SYT16: variants seen among roughly 807,000 people sequenced by gnomAD.
The protein encoded by SYT16 is synaptotagmin 16, also known as synaptotagmin-16.
In SYT16, 42 loss-of-function variants were observed where a neutral mutation model predicts 61.4. The observed-to-expected ratio is 0.68, with a 90% confidence interval of 0.53 to 0.89. SYT16 has a LOEUF of 0.89. Ranked by LOEUF, SYT16 falls within the 40% of genes least tolerant of loss-of-function variation. SYT16 has a pLI of 0.00. For missense variants in SYT16, 804 were observed against 807.3 expected (o/e 1.00, Z 0.05); for synonymous variants, 314 against 302.3 (o/e 1.04, Z -0.40).
intron 1 of SYT16, among the ~76,000 whole-genome samples, chr14:61,957,614 T>C (rs2050931885): frequency 6.7e-6 from 1 of 149,836 alleles, no homozygotes; most frequent in African/African-American, 2.5e-5. Context: ...ATGGATTGAT[T>C]TGTGTATGTG....
rs919881791 is a variant in SYT16 at position 62,107,219 on chromosome 14, C to A, written c.*6512C>A. The A allele has an allele frequency of 6.6e-6, 1 of 151,854 alleles. No individual in the cohort carries two copies. The highest frequency in any genetic ancestry group is 1.9e-4 in the East Asian group (1 of 5,174). The allele number at this position is 151,854 out of a possible 1,614,324, so 9.4% of individuals were successfully genotyped here. On this transcript the variant is annotated 3_prime_UTR_variant, in exon 8 of 8. Transcript: ENST00000683842. ...GAGGCCGAGGTGGGAGAACAGCTTG[C>A]GTCCAGGATTTCTAGTCCAGCCTGG...
At chr14:62,035,056 A>G (rs2054455623) in intron 3 of SYT16, among the ~76,000 whole-genome samples, 1 of 152,142 alleles carries the variant, frequency 6.6e-6, no homozygotes, top group Non-Finnish European at 1.5e-5. Context: ...GACCTTAAGT[A>G]TTTACATATG....
Position 62,075,237 on chromosome 14 carries a change from C to T in SYT16, c.839C>T (p.Ala280Val). ...CAGTCCCCATGTGAAAGAGGGGATG[C>T]CAAACACCACGGCACATCTCACCAA... ...HSQSPCERGD[A>V]KHHGTSHQES... Residue 280 changes from alanine to valine, a missense_variant, in exon 5 of 8, where the codon GCC becomes GTC. Coordinates refer to ENST00000683842, the MANE Select transcript of SYT16 (RefSeq NM_001367656.1). 1.9e-6 allele frequency: 3 copies of T among 1,613,786 alleles called. No individual in the cohort carries two copies. The highest frequency in any genetic ancestry group is 2.5e-6 in the Non-Finnish European group (3 of 1,179,804).
chr14:61,858,858 TC>T (rs1163833727), intron 1 of SYT16, among the ~76,000 whole-genome samples: 17 of 147,144 alleles, frequency 1.2e-4, no homozygotes, highest in African/African-American at 4.1e-4. Flanking sequence ...TCTTTTCTTT[TC>T]TTTTTTTTTT....
chr14:61,890,570 G>GAT (rs2048085942), intron 1 of SYT16, among the ~76,000 whole-genome samples: 6 of 150,646 alleles, frequency 4.0e-5, no homozygotes, highest in Non-Finnish European at 7.4e-5. Context: ...TTTAAAAGAA[G>GAT]CTCTTTTGAG....
intron 1 of SYT16, among the ~76,000 whole-genome samples, chr14:61,872,010 T>C (rs2047346647): frequency 6.6e-6 from 1 of 152,210 alleles, no homozygotes; most frequent in Admixed American, 6.5e-5. Flanking sequence ...TAATTGTACC[T>C]TCCTTGCAAT....
chr14:61,858,701 TCTC>T (rs1359855402), intron 1 of SYT16, among the ~76,000 whole-genome samples: 1 of 152,194 alleles, frequency 6.6e-6, no homozygotes, highest in African/African-American at 2.4e-5. Context: ...ATAAGTTTCT[TCTC>T]AAGAATGAAA....
Position 61,900,346 on chromosome 14 carries a change from C to T in SYT16, c.-324-69786C>T, listed in dbSNP as rs139158437. ...CTAATTTTTGTATTTGTAGTAGAGA[C>T]GGGGCTTTGCCATGTTGGCCAGGCT... On this transcript the variant is annotated intron_variant, in intron 1 of 7. Coordinates refer to ENST00000683842, the MANE Select transcript of SYT16 (RefSeq NM_001367656.1). 5.4e-3 allele frequency among the ~76,000 whole-genome samples: 820 copies of T among 152,138 alleles called. 22 individuals are homozygous for T. The highest frequency in any genetic ancestry group is 0.033 in the Admixed American group (499 of 15,290).
rs2053564171 is a variant in SYT16 at position 62,013,915 on chromosome 14, GA to G, written c.523+17374del. ...GGAGGCGGAGGTTGCCGTGAGCCGAGATTGTGCCACTGCACTCCAGCCTGCG... is the reference window on the plus strand; with the variant it reads ...GGAGGCGGAGGTTGCCGTGAGCCGAGTTGTGCCACTGCACTCCAGCCTGCG... On this transcript the variant is annotated intron_variant, in intron 3 of 7. Transcript: ENST00000683842. Among the ~76,000 whole-genome samples, 3 of 151,464 alleles carry G rather than the reference GA, an allele frequency of 2.0e-5. No homozygotes were observed. In the South Asian group the frequency reaches 6.3e-4, roughly 32 times the overall value.
intron 1 of SYT16, among the ~76,000 whole-genome samples, chr14:61,969,036 G>C (rs1177965830): frequency 6.6e-6 from 1 of 152,092 alleles, no homozygotes; most frequent in Admixed American, 6.6e-5. Flanking sequence ...TCTTTTCAAG[G>C]TGTTGAGATT....
intron 3 of SYT16, among the ~76,000 whole-genome samples, chr14:62,046,439 C>A (rs2054989453): frequency 6.6e-6 from 1 of 152,162 alleles, no homozygotes; most frequent in South Asian, 2.1e-4. Flanking sequence ...TTTTGCTGTG[C>A]AGAAGCTCTT....
chr14:61,945,747 G>A lies in SYT16; in HGVS notation c.-324-24385G>A, dbSNP rs373926187. On this transcript the variant is annotated intron_variant, in intron 1 of 7. Transcript: ENST00000683842. ...GGCGGGTGCCTGTAGTCCCAGCTAC[G>A]CGGGAGGCTGAGGCAGGAGAATGGC... is the stretch of plus-strand genomic sequence containing the variant. Among the ~76,000 whole-genome samples the A allele has an allele frequency of 2.3e-4, 34 of 150,910 alleles. 1 individual carries two copies. Among genetic ancestry groups the A allele is most frequent in the East Asian group, 2.2e-3 (11 of 5,088 alleles).
chr14:62,042,774 G>C (rs1304693603), intron 3 of SYT16, among the ~76,000 whole-genome samples: 1 of 152,118 alleles, frequency 6.6e-6, no homozygotes, highest in African/African-American at 2.4e-5. Flanking sequence ...TGACCTCCCT[G>C]GACATCTTAC....
intron 3 of SYT16, among the ~76,000 whole-genome samples, chr14:62,036,343 G>A (rs1273276503): frequency 6.6e-6 from 1 of 152,126 alleles, no homozygotes; most frequent in Non-Finnish European, 1.5e-5. Context: ...GAGATGGGCA[G>A]GGTGGGGATG....
chr14:62,038,547 A>G (rs1282273702), intron 3 of SYT16, among the ~76,000 whole-genome samples: 4 of 152,130 alleles, frequency 2.6e-5, no homozygotes, highest in Non-Finnish European at 5.9e-5. Context: ...CACATATTCC[A>G]TGATTTTGTT....
At position 62,100,806 on chromosome 14, in the gene SYT16, A is replaced by C; in HGVS notation, c.*99A>C. The stretch of plus-strand genomic sequence containing the variant: ...TGGCAAGGGTTTCAGGGTTTCAAAA[A>C]CAGATTCCACTAACCCCTAGGACAT... On this transcript the variant is annotated 3_prime_UTR_variant, in exon 8 of 8. Coordinates refer to ENST00000683842, the MANE Select transcript of SYT16 (RefSeq NM_001367656.1). 1 of 1,212,758 alleles carries C rather than the reference A, an allele frequency of 8.2e-7. No homozygotes were observed. The highest frequency in any genetic ancestry group is 1.1e-6 in the Non-Finnish European group (1 of 882,102). The allele number at this position is 1,212,758 out of a possible 1,614,324, so 75.1% of individuals were successfully genotyped here. A position where few individuals can be genotyped will look rare whatever the true frequency, so the allele number is the denominator to read the frequency against.
At chr14:61,922,804 C>T (rs528383688) in intron 1 of SYT16, among the ~76,000 whole-genome samples, 38 of 152,310 alleles carry the variant, frequency 2.5e-4, no homozygotes, top group African/African-American at 8.7e-4. Flanking sequence ...AATCCCACCA[C>T]TTTGGGAGGC....
chr14:61,825,423 G>A lies in SYT16; in HGVS notation c.-325+12613G>A, dbSNP rs538757927. On this transcript the variant is annotated intron_variant, in intron 1 of 7. Coordinates refer to ENST00000683842, the MANE Select transcript of SYT16 (RefSeq NM_001367656.1). ...AAATTCCTGGCTGGGGCTCATGCCT[G>A]TAATCCCAGCACTTTGGGAGGTGGA... Among the ~76,000 whole-genome samples, 131 of 152,344 alleles carry A rather than the reference G, an allele frequency of 8.6e-4. 1 individual carries two copies. Among genetic ancestry groups the A allele is most frequent in the African/African-American group, 3.1e-3 (128 of 41,572 alleles).
At chr14:61,859,021 ATTTT>A in intron 1 of SYT16, among the ~76,000 whole-genome samples, 1 of 146,280 alleles carries the variant, frequency 6.8e-6, no homozygotes, top group South Asian at 2.2e-4. Flanking sequence ...CGCCCGGCTA[ATTTT>A]TTTTTTTGTA....
Sources: allele counts gnomAD v4.1 joint callset (sites outside exome capture counted in the v4.1 genomes callset), GRCh38; gene constraint gnomAD v4.1.1; transcripts MANE v1.5; gene names NCBI Gene and HGNC (gene_info 2026-07-23, HGNC 2026-07-21).